PCDH15: variants seen among roughly 807,000 people sequenced by gnomAD.
PCDH15 encodes protocadherin-15.
In PCDH15, 129 loss-of-function variants were observed where a neutral mutation model predicts 178.5. The observed-to-expected ratio is 0.72, with a 90% confidence interval of 0.63 to 0.84. The LOEUF (loss-of-function observed/expected upper bound fraction) is 0.84, where lower values mean the gene tolerates loss of function less well. Among genes scored for constraint, PCDH15 ranks in the 40% least tolerant of loss-of-function variants. The probability of loss-of-function intolerance (pLI) is 0.00; values close to 1 mark genes in which losing one functional copy is unlikely to be tolerated. For synonymous variants in PCDH15, 800 were observed against 732.0 expected (o/e 1.09, Z -1.50); for missense variants, 2,230 against 2,099.9 (o/e 1.06, Z -1.21).
chr10:55,092,826 C>T (rs1012946843), intron 2 of PCDH15, among the ~76,000 whole-genome samples: 2 of 151,946 alleles, frequency 1.3e-5, no homozygotes, highest in African/African-American at 4.8e-5. Flanking sequence ...ATAATCTAGA[C>T]TCACATATTA....
chr10:55,403,173 G>T (rs1838114451), intron 2 of PCDH15, among the ~76,000 whole-genome samples: 8 of 151,752 alleles, frequency 5.3e-5, no homozygotes, highest in Admixed American at 5.3e-4. Context: ...CAGATTCTTT[G>T]CCTAGTTTTT....
intron 2 of PCDH15, among the ~76,000 whole-genome samples, chr10:55,472,659 A>C (rs1414541838): frequency 6.6e-6 from 1 of 152,052 alleles, no homozygotes; most frequent in East Asian, 1.9e-4. Flanking sequence ...AGCTCCACCT[A>C]CCGGGTTCAC....
chr10:54,129,710 C>T (rs1297328252), intron 15 of PCDH15, among the ~76,000 whole-genome samples: 1 of 152,130 alleles, frequency 6.6e-6, no homozygotes, highest in East Asian at 1.9e-4. Context: ...TTCCAGACTT[C>T]TGAGTATATA....
At position 54,371,110 on chromosome 10, in the gene PCDH15, A is replaced by G. The variant is rs1311997321; in HGVS notation, c.319-1835T>C. 2.0e-5 allele frequency among the ~76,000 whole-genome samples: 3 copies of G among 151,986 alleles called. No homozygotes were observed. In the East Asian group the frequency reaches 5.8e-4, roughly 29 times the overall value. On this transcript the variant is annotated intron_variant, in intron 4 of 37. Transcript: ENST00000644397. ...TTGGAAGGATGTATAAATACATTTA[A>G]TGACAAAAGACATGGTTCAAAGTCA...
At chr10:55,427,575 A>G (rs1838786502) in intron 2 of PCDH15, among the ~76,000 whole-genome samples, 1 of 152,190 alleles carries the variant, frequency 6.6e-6, no homozygotes, top group Non-Finnish European at 1.5e-5. Context: ...TCAGGTTAAG[A>G]AAAGGGAAAT....
chr10:54,306,447 G>A lies in PCDH15; in HGVS notation c.876+10824C>T, dbSNP rs190034742. On this transcript the variant is annotated intron_variant, in intron 8 of 37. Coordinates refer to ENST00000644397, the MANE Select transcript of PCDH15 (RefSeq NM_001384140.1). ...ATCTGTAGGACAGGCCAGCAGGCTGGAGACATAGGGAGGAATTGTCATAGT... is the reference window on the plus strand; with the variant it reads ...ATCTGTAGGACAGGCCAGCAGGCTGAAGACATAGGGAGGAATTGTCATAGT... Among the ~76,000 whole-genome samples the A allele has an allele frequency of 1.6e-3, 237 of 152,122 alleles. 1 individual carries two copies. The highest frequency in any genetic ancestry group is 3.4e-3 in the African/African-American group (142 of 41,552).
At chr10:54,041,255 A>C (rs1320674032) in intron 18 of PCDH15, among the ~76,000 whole-genome samples, 4 of 152,108 alleles carry the variant, frequency 2.6e-5, no homozygotes, top group Non-Finnish European at 5.9e-5. Context: ...AATTTAAAAA[A>C]TAGTATTATT....
intron 15 of PCDH15, among the ~76,000 whole-genome samples, chr10:54,115,409 C>T (rs2095096086): frequency 6.6e-6 from 1 of 152,172 alleles, no homozygotes; most frequent in Admixed American, 6.5e-5. Context: ...CTTCACACAT[C>T]CTCCTTCAAG....
At chr10:54,886,469 A>G (rs974119226) in intron 3 of PCDH15, among the ~76,000 whole-genome samples, 1 of 152,228 alleles carries the variant, frequency 6.6e-6, no homozygotes, top group Admixed American at 6.5e-5. Context: ...CTTAAGAATG[A>G]TCTAGTTATT....
rs71007854 is a variant in PCDH15 at position 54,427,269 on chromosome 10, G to GTTTTTTTTTT, written c.158-48337_158-48328dup. On this transcript the variant is annotated intron_variant, in intron 3 of 37. Transcript: ENST00000644397. The stretch of plus-strand genomic sequence containing the variant: ...CCTCTCATTTCTTTCTCTTTTTCTG[G>GTTTTTTTTTT]TTTTTTTTTTTTTTTTTTTTTTTTT... Among the ~76,000 whole-genome samples the GTTTTTTTTTT allele has an allele frequency of 3.0e-4, 17 of 56,762 alleles. 3 individuals carry two copies. Among genetic ancestry groups the GTTTTTTTTTT allele is most frequent in the African/African-American group, 5.8e-4 (7 of 12,044 alleles). The allele number at this position is 56,762 out of a possible 152,430, so 37.2% of individuals were successfully genotyped here.
At chr10:55,524,285 A>G (rs1589109052) in intron 2 of PCDH15, among the ~76,000 whole-genome samples, 1 of 151,550 alleles carries the variant, frequency 6.6e-6, no homozygotes, top group African/African-American at 2.4e-5. Context: ...TTGGTACAAA[A>G]TGAAAGGAGA....
At chr10:54,339,363 C>CAAA (rs5785069) in intron 6 of PCDH15, among the ~76,000 whole-genome samples, 10 of 131,714 alleles carry the variant, frequency 7.6e-5, no homozygotes, top group Non-Finnish European at 1.5e-4. Flanking sequence ...AGGCATTAAA[C>CAAA]AAAAAAAAAA....
At chr10:55,384,316 T>A (rs996524254) in intron 2 of PCDH15, among the ~76,000 whole-genome samples, 2 of 152,188 alleles carry the variant, frequency 1.3e-5, no homozygotes, top group East Asian at 3.8e-4. Flanking sequence ...CCATTGTGTA[T>A]TTTGGTAAAT....
chr10:54,337,441 T>G (rs747157472), intron 6 of PCDH15, among the ~76,000 whole-genome samples: 5 of 152,090 alleles, frequency 3.3e-5, no homozygotes, highest in Non-Finnish European at 7.4e-5. Context: ...CGGTGAGAGA[T>G]AATTAAATCA....
intron 2 of PCDH15, among the ~76,000 whole-genome samples, chr10:55,022,127 G>A (rs1049660369): frequency 6.6e-6 from 1 of 151,926 alleles, no homozygotes; most frequent in African/African-American, 2.4e-5. Context: ...TTACAGCAAG[G>A]TAACTATAAT....
At chr10:54,576,217 A>C (rs897101861) in intron 2 of PCDH15, among the ~76,000 whole-genome samples, 1 of 152,300 alleles carries the variant, frequency 6.6e-6, no homozygotes, top group South Asian at 2.1e-4. Context: ...GTATCCAAGT[A>C]AAGTTCCATA....
chr10:55,530,638 A>T (rs1243552237), intron 2 of PCDH15, among the ~76,000 whole-genome samples: 1 of 152,046 alleles, frequency 6.6e-6, no homozygotes, highest in Non-Finnish European at 1.5e-5. Flanking sequence ...AGTTTAGAGA[A>T]GTGGGAAACT....
At chr10:55,043,290 T>G (rs1462927950) in intron 2 of PCDH15, among the ~76,000 whole-genome samples, 1 of 152,130 alleles carries the variant, frequency 6.6e-6, no homozygotes, top group Non-Finnish European at 1.5e-5. Flanking sequence ...TGTCTTGGAA[T>G]CATCTGTCCT....
At chr10:54,551,842 G>T (rs1056215870) in intron 2 of PCDH15, among the ~76,000 whole-genome samples, 4 of 151,938 alleles carry the variant, frequency 2.6e-5, no homozygotes, top group Admixed American at 2.0e-4. Context: ...ACATCAAAAA[G>T]AATCTGAGCT....
Sources: allele counts gnomAD v4.1 joint callset (sites outside exome capture counted in the v4.1 genomes callset), GRCh38; gene constraint gnomAD v4.1.1; transcripts MANE v1.5; gene names NCBI Gene and HGNC (gene_info 2026-07-23, HGNC 2026-07-21).